ARHGAP39: variants seen among roughly 807,000 people sequenced by gnomAD.
ARHGAP39 encodes rho GTPase-activating protein 39.
ARHGAP39 carries 44 observed loss-of-function variants against 106.9 expected under a neutral mutation model. That is an observed-to-expected ratio of 0.41 (90% CI 0.32 to 0.53). ARHGAP39 has a LOEUF of 0.53. Ranked by LOEUF, ARHGAP39 falls within the 20% of genes least tolerant of loss-of-function variation. ARHGAP39 has a pLI of 0.21. For synonymous variants in ARHGAP39, 768 were observed against 693.2 expected (o/e 1.11, Z -1.69); for missense variants, 1,496 against 1,577.3 (o/e 0.95, Z 0.87).
At chr8:144,652,105 A>G (rs1821587921) in intron 1 of ARHGAP39, among the ~76,000 whole-genome samples, 2 of 152,216 alleles carry the variant, frequency 1.3e-5, no homozygotes, top group South Asian at 4.1e-4. Flanking sequence ...ACAGCAAATG[A>G]AACTATCAAC....
Position 144,676,458 on chromosome 8 carries a change from C to A in ARHGAP39, c.-82+9228G>T, listed in dbSNP as rs186510402. 4.1e-4 allele frequency among the ~76,000 whole-genome samples: 51 copies of A among 125,912 alleles called. No homozygotes were observed. In the East Asian group the frequency reaches 0.013, roughly 32 times the overall value. 82.6% of individuals were successfully genotyped at this position (125,912 alleles called of 152,430 possible). A position where few individuals can be genotyped will look rare whatever the true frequency, so the allele number is the denominator to read the frequency against. ...GCGTTTACAAACCTTGAGCTAGACA[C>A]ACGTGCTGCTGACTGGTGCGTTTAC... is the stretch of plus-strand genomic sequence containing the variant. On this transcript the variant is annotated intron_variant, in intron 1 of 11. Transcript: ENST00000377307.
At chr8:144,667,230 C>T (rs921767454) in intron 1 of ARHGAP39, among the ~76,000 whole-genome samples, 2 of 152,228 alleles carry the variant, frequency 1.3e-5, no homozygotes, top group Non-Finnish European at 2.9e-5. Context: ...CCTGCTCCCA[C>T]CTCACAGGCT....
chr8:144,560,821 C>T (rs1241566526), intron 3 of ARHGAP39, among the ~76,000 whole-genome samples: 1 of 152,230 alleles, frequency 6.6e-6, no homozygotes, highest in East Asian at 1.9e-4. Context: ...ACTCAACTTA[C>T]ACAACTGTCA....
intron 3 of ARHGAP39, among the ~76,000 whole-genome samples, chr8:144,558,219 C>T (rs894190329): frequency 1.3e-5 from 2 of 152,132 alleles, no homozygotes; most frequent in Non-Finnish European, 2.9e-5. Flanking sequence ...CACACACTCC[C>T]GGATGGGAAA....
chr8:144,601,864 T>C (rs1397571265), intron 2 of ARHGAP39, among the ~76,000 whole-genome samples: 5 of 141,346 alleles, frequency 3.5e-5, no homozygotes, highest in Admixed American at 7.1e-5. Context: ...GAGGTGTGTG[T>C]GCGAGCTCAC....
intron 6 of ARHGAP39, among the ~76,000 whole-genome samples, chr8:144,544,464 G>A (rs563241273): frequency 1.3e-5 from 2 of 152,398 alleles, no homozygotes; most frequent in African/African-American, 4.8e-5. Flanking sequence ...CTGACCTGGA[G>A]GGTGTGTGTG....
At chr8:144,557,409 G>C (rs2954340) in intron 3 of ARHGAP39, among the ~76,000 whole-genome samples, 3 of 110,862 alleles carry the variant, frequency 2.7e-5, no homozygotes, top group African/African-American at 6.7e-5. Flanking sequence ...CTGAACCTTC[G>C]TAGTATTCAG....
intron 10 of ARHGAP39, among the ~76,000 whole-genome samples, 163 bp from the exon 11 acceptor site, chr8:144,531,034 G>C (rs973665177): frequency 6.6e-6 from 1 of 152,244 alleles, no homozygotes; most frequent in Non-Finnish European, 1.5e-5. Context: ...CCTGACCCCA[G>C]AGGGCCTTTC....
intron 3 of ARHGAP39, among the ~76,000 whole-genome samples, chr8:144,572,263 T>C (rs975975560): frequency 6.6e-6 from 1 of 152,204 alleles, no homozygotes; most frequent in Non-Finnish European, 1.5e-5. Flanking sequence ...AGCATGGTAC[T>C]GGTACCAGAA....
At chr8:144,549,053 G>A (rs1345932451) in intron 4 of ARHGAP39, among the ~76,000 whole-genome samples, 1 of 152,192 alleles carries the variant, frequency 6.6e-6, no homozygotes, top group African/African-American at 2.4e-5. Flanking sequence ...CACTAACACC[G>A]CACCTGGCCA....
At chr8:144,602,708 T>TG (rs1820078978) in intron 2 of ARHGAP39, among the ~76,000 whole-genome samples, 5 of 42,512 alleles carry the variant, frequency 1.2e-4, no homozygotes, top group Non-Finnish European at 1.8e-4. Flanking sequence ...GTGCGTGGAG[T>TG]TGTGTGCGCT....
chr8:144,563,016 A>G (rs1564849969), intron 3 of ARHGAP39, among the ~76,000 whole-genome samples: 3 of 152,244 alleles, frequency 2.0e-5, no homozygotes, highest in Admixed American at 6.5e-5. Flanking sequence ...CTCTATGTGG[A>G]ACAACTAGAA....
At position 144,533,323 on chromosome 8, in the gene ARHGAP39, C is replaced by G. The variant is rs1816808483; in HGVS notation, c.2691G>C (p.Gly897=). 6.2e-7 allele frequency: 1 copy of G among 1,612,446 alleles called. No individual in the cohort carries two copies. Among genetic ancestry groups the G allele is most frequent in the Admixed American group, 1.7e-5 (1 of 59,998 alleles). ...QKAALTGAKK[G]LKKPNVEEIR... The stretch of plus-strand genomic sequence containing the variant: ...TCTCCTCCACGTTGGGCTTCTTCAG[C>G]CCCTGTGAAGACAGAGGCTCCGTCC... Residue 897 remains glycine (G), a splice_region_variant and synonymous_variant, in exon 9 of 12, where the codon GGG becomes GGC. Transcript: ENST00000377307.
chr8:144,533,796 G>GC (rs1389437775), intron 8 of ARHGAP39, among the ~76,000 whole-genome samples: 1 of 152,214 alleles, frequency 6.6e-6, no homozygotes, highest in Non-Finnish European at 1.5e-5. Flanking sequence ...TGGGAGCAGC[G>GC]CATCAGAGAG....
chr8:144,603,014 A>G (rs1197829027), intron 2 of ARHGAP39, among the ~76,000 whole-genome samples: 1 of 70,408 alleles, frequency 1.4e-5, no homozygotes, highest in Non-Finnish European at 2.7e-5. Flanking sequence ...TGTGTGTGCG[A>G]GCTCATGTAT....
chr8:144,687,561 AC>A (rs1822642667), upstream of ARHGAP39, among the ~76,000 whole-genome samples: 1 of 40,992 alleles, frequency 2.4e-5, no homozygotes, highest in African/African-American at 1.5e-4. Flanking sequence ...GTGACCACAC[AC>A]TGGCGGTGAG....
At chr8:144,583,542 G>A (rs764698242) in intron 2 of ARHGAP39, among the ~76,000 whole-genome samples, 1 of 152,162 alleles carries the variant, frequency 6.6e-6, no homozygotes, top group Non-Finnish European at 1.5e-5. Context: ...TGGGGATCCC[G>A]TAAGGCCCCT....
intron 1 of ARHGAP39, among the ~76,000 whole-genome samples, chr8:144,617,863 T>G (rs934732499): frequency 3.9e-5 from 6 of 152,120 alleles, no homozygotes; most frequent in Non-Finnish European, 5.9e-5. Context: ...GTCACTGTAG[T>G]CTCAACCTCC....
intron 1 of ARHGAP39, among the ~76,000 whole-genome samples, chr8:144,618,103 A>G (rs1820686251): frequency 6.6e-6 from 1 of 152,166 alleles, no homozygotes; most frequent in South Asian, 2.1e-4. Context: ...TTTCAATGGA[A>G]TAGAATATTT....
Sources: gnomAD v4.1 joint callset for allele counts (sites outside exome capture counted in the v4.1 genomes callset) on GRCh38, gnomAD v4.1.1 for gene constraint, MANE v1.5 for transcripts, NCBI Gene and HGNC (gene_info 2026-07-23, HGNC 2026-07-21) for gene names.